Variants in KREMEN1 observed in about 807,000 individuals in gnomAD.
KREMEN1 encodes the protein kremen protein 1.
Under a neutral mutation model 46.5 loss-of-function variants are expected in KREMEN1, and 30 were observed. The ratio of observed to expected loss-of-function variants is 0.65; its 90% CI spans 0.48 to 0.88. The LOEUF is 0.88. KREMEN1 is among the 40% of genes least tolerant of loss of function. The pLI is 0.00. For synonymous variants in KREMEN1, 214 were observed against 230.6 expected (o/e 0.93, Z 0.65); for missense variants, 533 against 596.9 (o/e 0.89, Z 1.11).
In KREMEN1 at chr22:29,142,966, A is replaced by C. The variant is rs1296537109; in HGVS notation, c.*854A>C. On this transcript the variant is annotated 3_prime_UTR_variant, in exon 9 of 9. Transcript: ENST00000400335. ...GGAGTTCGAGACCAGCCTGGCCAAC[A>C]TGGTGAAACCCCGTCTCTACTAAAA... 6.3e-6 allele frequency: 4 copies of C among 636,342 alleles called. No individual in the cohort carries two copies. Among genetic ancestry groups the C allele is most frequent in the Non-Finnish European group, 7.8e-6 (4 of 511,740 alleles). The allele number at this position is 636,342 out of a possible 1,614,324, so 39.4% of individuals were successfully genotyped here.
chr22:29,142,865 T>C lies in KREMEN1; in HGVS notation c.*753T>C, dbSNP rs2038787449. On this transcript the variant is annotated 3_prime_UTR_variant, in exon 9 of 9. Transcript: ENST00000400335. Reference sequence around the variant, plus strand: ...GAGCTTTGGTCATATAAAACATCCATTCAGCTGGGCGCGATGGCTCATGCC... The same window carrying C: ...GAGCTTTGGTCATATAAAACATCCACTCAGCTGGGCGCGATGGCTCATGCC... 3 of 985,444 alleles carry C rather than the reference T, an allele frequency of 3.0e-6. No homozygotes were observed. Among genetic ancestry groups the C allele is most frequent in the Non-Finnish European group, 3.6e-6 (3 of 829,926 alleles). 61.0% of individuals were successfully genotyped at this position (985,444 alleles called of 1,614,324 possible).
intron 4 of KREMEN1, among the ~76,000 whole-genome samples, chr22:29,122,247 A>G (rs1375657763): frequency 6.6e-6 from 1 of 152,224 alleles, no homozygotes; most frequent in Non-Finnish European, 1.5e-5. Context: ...AATACAAATT[A>G]AAACCACAAT....
chr22:29,155,236 G>T (rs957337839), intron 9 of KREMEN1, among the ~76,000 whole-genome samples: 2 of 152,168 alleles, frequency 1.3e-5, no homozygotes, highest in African/African-American at 4.8e-5. Context: ...GAAAAGGAAA[G>T]GAAGAAGACA....
Position 29,078,494 on chromosome 22 carries a change from AAAG to A in KREMEN1, c.97+5282_97+5284del, listed in dbSNP as rs134606. ...GAAAAACAGCCAGGAAAAAAAAAAA[AAAG>A]AAGAAGAAGAAGAAAACAAACTTCT... On this transcript the variant is annotated intron_variant, in intron 1 of 8. Transcript: ENST00000400335. Among the ~76,000 whole-genome samples, 13 of 147,556 alleles carry A rather than the reference AAAG, an allele frequency of 8.8e-5. No homozygotes were observed. The East Asian group carries it at 1.2e-3, about 13-fold the overall frequency.
At chr22:29,166,705 G>A (rs980045501) in intron 9 of KREMEN1, among the ~76,000 whole-genome samples, 1 of 152,130 alleles carries the variant, frequency 6.6e-6, no homozygotes, top group Non-Finnish European at 1.5e-5. Context: ...TTGGGAATCC[G>A]AGGTGGAAGG....
At position 29,166,131 on chromosome 22, in the gene KREMEN1, T is replaced by C. The variant is rs371007297; in HGVS notation, c.1417-913T>C. Reference sequence around the variant, plus strand: ...AGTACCCATGCACACATCACCCACATGCACGCCCACCATAACATGCACACA... The same window carrying C: ...AGTACCCATGCACACATCACCCACACGCACGCCCACCATAACATGCACACA... On this transcript the variant is annotated intron_variant, in intron 9 of 9. Transcript: ENST00000327813. Among the ~76,000 whole-genome samples, 9 of 152,064 alleles carry C rather than the reference T, an allele frequency of 5.9e-5. No individual in the cohort carries two copies. In the East Asian group the frequency reaches 1.7e-3, roughly 29 times the overall value.
chr22:29,146,350 C>T lies in KREMEN1; in HGVS notation c.*4238C>T, dbSNP rs540098904. The T allele has an allele frequency of 5.1e-6, 5 of 985,930 alleles. No individual in the cohort carries two copies. Among genetic ancestry groups the T allele is most frequent in the Non-Finnish European group, 6.0e-6 (5 of 829,966 alleles). 61.1% of individuals were successfully genotyped at this position (985,930 alleles called of 1,614,324 possible). On this transcript the variant is annotated 3_prime_UTR_variant, in exon 9 of 9. Transcript: ENST00000400335. The stretch of plus-strand genomic sequence containing the variant: ...CTCCGGGGTGACAGGGCTTCACCCT[C>T]TGCCTGCAGACCCCTGGTGGGCACA...
At chr22:29,089,827 C>T (rs181561269) in intron 1 of KREMEN1, among the ~76,000 whole-genome samples, 2 of 152,302 alleles carry the variant, frequency 1.3e-5, no homozygotes, top group Non-Finnish European at 2.9e-5. Context: ...TTTGCAGGGG[C>T]TTTGCATTTG....
At chr22:29,116,626 T>C (rs1312688788) in intron 3 of KREMEN1, among the ~76,000 whole-genome samples, 1 of 152,226 alleles carries the variant, frequency 6.6e-6, no homozygotes, top group East Asian at 1.9e-4. Flanking sequence ...TTATATGCCT[T>C]AGGCTTTCTG....
intron 3 of KREMEN1, among the ~76,000 whole-genome samples, chr22:29,117,900 C>T (rs971957884): frequency 1.3e-5 from 2 of 152,154 alleles, no homozygotes; most frequent in Non-Finnish European, 2.9e-5. Context: ...CAAATTACCT[C>T]AAAACTTGGT....
In KREMEN1 at chr22:29,140,282, G is replaced by T. The variant is rs1310891539; in HGVS notation, c.1124G>T (p.Gly375Val). The T allele has an allele frequency of 1.2e-6, 2 of 1,613,510 alleles. No individual in the cohort carries two copies. The highest frequency in any genetic ancestry group is 3.3e-5 in the Admixed American group (2 of 60,020). Residue 375 changes from glycine (G) to valine (V), a missense_variant and splice_region_variant, in exon 8 of 9, where the codon GGA (glycine) becomes GTA (valine). By Grantham distance (109) the Gly-to-Val change is moderately radical. Coordinates refer to ENST00000400335, the MANE Select transcript of KREMEN1 (RefSeq NM_001039570.3). ...SPSHPPQTVPGWTVYGLATLL... is the reference protein window; with the variant it reads ...SPSHPPQTVPVWTVYGLATLL... Reference sequence around the variant, plus strand: ...TAAGCTCTGTCTTTTGCACTTGCAGGATGGACAGTCTATGGTCTGGCAACT... The same window carrying T: ...TAAGCTCTGTCTTTTGCACTTGCAGTATGGACAGTCTATGGTCTGGCAACT...
At chr22:29,138,102 C>A (rs35874435) in intron 6 of KREMEN1, among the ~76,000 whole-genome samples, 3 of 152,228 alleles carry the variant, frequency 2.0e-5, no homozygotes, top group Non-Finnish European at 4.4e-5. Context: ...GAGCCACACT[C>A]TCTGCCTCTG....
intron 3 of KREMEN1, among the ~76,000 whole-genome samples, chr22:29,103,618 A>G (rs8138320): frequency 0.017 from 2,622 of 152,276 alleles, 76 homozygotes; most frequent in African/African-American, 0.06. Flanking sequence ...CGGGTTTAAC[A>G]TGTCTCTAGA....
rs6006002 is a variant in KREMEN1 at position 29,128,569 on chromosome 22, A to G, written c.631+3153A>G. Among the ~76,000 whole-genome samples the G allele has an allele frequency of 7.9e-3, 1,207 of 152,328 alleles. 13 individuals are homozygous for G. The highest frequency in any genetic ancestry group is 0.027 in the African/African-American group (1,136 of 41,586). On this transcript the variant is annotated intron_variant, in intron 5 of 8. Coordinates refer to ENST00000400335, the MANE Select transcript of KREMEN1 (RefSeq NM_001039570.3). Reference sequence around the variant, plus strand: ...ATGCAGCACTATGGAAATAGTCTCTAAAGTGCACACCAAGTAGCATCTTTG... The same window carrying G: ...ATGCAGCACTATGGAAATAGTCTCTGAAGTGCACACCAAGTAGCATCTTTG...
downstream of KREMEN1, among the ~76,000 whole-genome samples, chr22:29,146,978 T>G (rs1170911446): frequency 6.6e-6 from 1 of 152,108 alleles, no homozygotes; most frequent in East Asian, 1.9e-4. Context: ...TCCAGTCTTG[T>G]GACAGCTTCG....
At chr22:29,141,748 G>A (rs913209825) in intron 8 of KREMEN1, among the ~76,000 whole-genome samples, 196 bp from the exon 9 acceptor site, 3 of 152,208 alleles carry the variant, frequency 2.0e-5, no homozygotes, top group Admixed American at 6.5e-5. Context: ...ACGCTGCCCT[G>A]CTGCACTTGG....
At chr22:29,131,560 A>ATATATATATGTGTGTGTGTG (rs1240832937) in intron 5 of KREMEN1, among the ~76,000 whole-genome samples, 2 of 69,942 alleles carry the variant, frequency 2.9e-5, no homozygotes, top group African/African-American at 1.7e-4. Flanking sequence ...ATATATATAT[A>ATATATATATGTGTGTGTGTG]TGTGTGTGTG....
rs1256241222 is a variant in KREMEN1, at chr22:29,137,407, C to T, written c.697C>T (p.Pro233Ser). 1 of 1,572,266 alleles carries T rather than the reference C, an allele frequency of 6.4e-7. No homozygotes were observed. Among genetic ancestry groups the T allele is most frequent in the Non-Finnish European group, 8.7e-7 (1 of 1,150,664 alleles). The change falls in exon 6 of 9, where the codon CCC becomes TCC. Residue 233 changes from proline to serine, a missense_variant. Physicochemically the swap from Pro to Ser is moderately conservative, Grantham distance 74 (BLOSUM62 -1). Coordinates refer to ENST00000400335, the MANE Select transcript of KREMEN1 (RefSeq NM_001039570.3). ...TTCTGTGGTCTATTCCCCTGACTTC[C>T]CCGACACCTATGCCACGGGGAGGGT... is the stretch of plus-strand genomic sequence containing the variant. The part of the protein sequence containing the change: ...MSSVVYSPDF[P>S]DTYATGRVCY...
chr22:29,078,304 A>G (rs1476418005), intron 1 of KREMEN1, among the ~76,000 whole-genome samples: 1 of 152,120 alleles, frequency 6.6e-6, no homozygotes, highest in East Asian at 1.9e-4. Flanking sequence ...AATGTCCTAA[A>G]GAGAAATTCA....
Sources: allele counts gnomAD v4.1 joint callset (sites outside exome capture counted in the v4.1 genomes callset), GRCh38; gene constraint gnomAD v4.1.1; transcripts MANE v1.5; gene names NCBI Gene and HGNC (gene_info 2026-07-23, HGNC 2026-07-21).